The following ECRG4 variants were observed in gnomAD, a reference collection of about 807,000 sequenced individuals.
ECRG4 encodes ECRG4 augurin precursor, also known as augurin.
Under a neutral mutation model 15.8 loss-of-function variants are expected in ECRG4, and 18 were observed. The observed-to-expected ratio is 1.14, with a 90% CI of 0.79 to 1.69. The LOEUF (loss-of-function observed/expected upper bound fraction) is 1.69, where lower values mean the gene tolerates loss of function less well. Ranked by LOEUF, ECRG4 falls within the 40% of genes most tolerant of loss-of-function variation. ECRG4 has a pLI of 0.00. For synonymous variants in ECRG4, 82 were observed against 73.9 expected, an observed-to-expected ratio of 1.11 and a Z score of -0.56; for missense variants, 200 against 190.9, an observed-to-expected ratio of 1.05 and a Z score of -0.28.
intron 2 of ECRG4, 109 bp from the exon 3 acceptor site, chr2:106,073,777 A>G (rs1676420553): frequency 7.5e-7 from 1 of 1,339,494 alleles, no homozygotes; most frequent in African/African-American, 1.4e-5. Context: ...TGAGAGTCAA[A>G]ACCCTCCTAC....
chr2:106,071,344 AAAAAAAAAG>A (rs1237937937), intron 1 of ECRG4, among the ~76,000 whole-genome samples: 9 of 140,600 alleles, frequency 6.4e-5, no homozygotes, highest in African/African-American at 2.1e-4. Flanking sequence ...AAAAAAAAAA[AAAAAAAAAG>A]AAAGAAAGAA....
intron 1 of ECRG4, among the ~76,000 whole-genome samples, chr2:106,067,943 T>C (rs906448354): frequency 6.6e-6 from 1 of 151,562 alleles, no homozygotes; most frequent in Admixed American, 6.6e-5. Context: ...CAAGCAATCC[T>C]CCCACCTCAG....
chr2:106,070,362 C>A (rs1228808813), intron 1 of ECRG4, among the ~76,000 whole-genome samples: 1 of 152,162 alleles, frequency 6.6e-6, no homozygotes, highest in Non-Finnish European at 1.5e-5. Context: ...CCCTGGATGG[C>A]CCAATGACTC....
At chr2:106,063,378 T>C (rs1021642713), upstream of ECRG4, 1 of 152,208 alleles carries the variant, frequency 6.6e-6, no homozygotes, top group African/African-American at 2.4e-5. Context: ...ACCCAGCTTA[T>C]GGGATTTTGT....
At chr2:106,071,322 T>A (rs1248330760) in intron 1 of ECRG4, among the ~76,000 whole-genome samples, 5 of 78,332 alleles carry the variant, frequency 6.4e-5, no homozygotes, top group African/African-American at 1.8e-4. Flanking sequence ...GGTAAGGCTG[T>A]AAAAAAAAAA....
At chr2:106,071,322 T>TACAAAAAAAAA (rs1676362541) in intron 1 of ECRG4, among the ~76,000 whole-genome samples, 1 of 78,332 alleles carries the variant, frequency 1.3e-5, no homozygotes, top group Non-Finnish European at 2.3e-5. Flanking sequence ...GGTAAGGCTG[T>TACAAAAAAAAA]AAAAAAAAAA....
rs183825908 is a variant in ECRG4 at position 106,066,280 on chromosome 2, G to A, written c.79+437G>A. Reference sequence around the variant, plus strand: ...CAAGTTGACTTGCGCTTCCCAGCTGGGTCAAGTTGCAATTTGCAAAGCTGG... The same window carrying A: ...CAAGTTGACTTGCGCTTCCCAGCTGAGTCAAGTTGCAATTTGCAAAGCTGG... On this transcript the variant is annotated intron_variant, in intron 1 of 3. Coordinates refer to ENST00000238044, the MANE Select transcript of ECRG4 (RefSeq NM_032411.3). Among the ~76,000 whole-genome samples, 9 of 152,322 alleles carry A rather than the reference G, an allele frequency of 5.9e-5. No individual in the cohort carries two copies. In the East Asian group the frequency reaches 1.4e-3, roughly 23 times the overall value.
intron 3 of ECRG4, among the ~76,000 whole-genome samples, chr2:106,075,805 C>G (rs1038947235): frequency 6.6e-6 from 1 of 152,110 alleles, no homozygotes. Flanking sequence ...AGATGAGGAT[C>G]AAATAAGATT....
intron 3 of ECRG4, 139 bp downstream of exon 3, chr2:106,074,182 G>A: frequency 1.1e-6 from 1 of 942,610 alleles, no homozygotes; most frequent in African/African-American, 1.6e-5. Context: ...TATGCCAAGT[G>A]CTATCAGGCA....
chr2:106,067,059 C>G (rs1232834308), intron 1 of ECRG4, among the ~76,000 whole-genome samples: 50 of 4,248 alleles, frequency 0.012, no homozygotes, highest in African/African-American at 0.04. Flanking sequence ...TTTGGGAGGC[C>G]GGGGGGGGGG....
rs78155999 is a variant in ECRG4 at position 106,066,832 on chromosome 2, A to C, written c.79+989A>C. On this transcript the variant is annotated intron_variant, in intron 1 of 3. Transcript: ENST00000238044. ...TGAGAAGAGGCAGGGGACATTCAGTAGGAGCCCTGGGATGGAGCCCCGGGG... is the reference window on the plus strand; with the variant it reads ...TGAGAAGAGGCAGGGGACATTCAGTCGGAGCCCTGGGATGGAGCCCCGGGG... 2.5e-3 allele frequency among the ~76,000 whole-genome samples: 375 copies of C among 152,264 alleles called. 1 individual carries two copies. The highest frequency in any genetic ancestry group is 8.0e-3 in the African/African-American group (334 of 41,558).
intron 1 of ECRG4, among the ~76,000 whole-genome samples, chr2:106,070,096 G>A (rs1676330388): frequency 2.0e-5 from 3 of 152,228 alleles, no homozygotes; most frequent in South Asian, 4.1e-4. Context: ...ATCTTATGAA[G>A]CCATTTCCAT....
chr2:106,065,655 AG>A (rs995764590), upstream of ECRG4: 21 of 782,198 alleles, frequency 2.7e-5, no homozygotes, highest in East Asian at 6.2e-4. Flanking sequence ...GCAGCGACGC[AG>A]GGATAACCCG....
rs114150754 is a variant in ECRG4, at chr2:106,077,132, C to T, written c.286-633C>T. ...ACAGTAGGCTTCTTGAAGGCACAGA[C>T]GACTGTTTTTGGCAGCCCTCCAGTG... On this transcript the variant is annotated intron_variant, in intron 3 of 3. Coordinates refer to ENST00000238044, the MANE Select transcript of ECRG4 (RefSeq NM_032411.3). 3.6e-3 allele frequency among the ~76,000 whole-genome samples: 528 copies of T among 146,236 alleles called. 2 individuals are homozygous for T. The highest frequency in any genetic ancestry group is 0.014 in the African/African-American group (486 of 35,860).
chr2:106,077,347 C>T (rs1676508241), intron 3 of ECRG4, among the ~76,000 whole-genome samples: 1 of 152,076 alleles, frequency 6.6e-6, no homozygotes, highest in Non-Finnish European at 1.5e-5. Flanking sequence ...TATTAAGCAT[C>T]TACTACATGC....
At chr2:106,066,478 A>G (rs1053385741) in intron 1 of ECRG4, among the ~76,000 whole-genome samples, 6 of 152,206 alleles carry the variant, frequency 3.9e-5, no homozygotes, top group Non-Finnish European at 7.3e-5. Flanking sequence ...CCGATATCTG[A>G]TCGCTGGGCT....
intron 1 of ECRG4, among the ~76,000 whole-genome samples, chr2:106,069,314 T>C (rs374080055): frequency 1.3e-4 from 20 of 149,968 alleles, no homozygotes; most frequent in African/African-American, 4.2e-4. Flanking sequence ...TCCTTCCTTC[T>C]TTCTTTCTCT....
upstream of ECRG4, among the ~76,000 whole-genome samples, chr2:106,063,977 C>T (rs1171945464): frequency 6.6e-6 from 1 of 152,144 alleles, no homozygotes; most frequent in Non-Finnish European, 1.5e-5. Context: ...AAGATTACAG[C>T]CATTATGTTT....
chr2:106,071,797 A>G, intron 1 of ECRG4, 47 bp from the exon 2 acceptor site: 2 of 1,518,394 alleles, frequency 1.3e-6, no homozygotes, highest in South Asian at 2.3e-5. Flanking sequence ...GATAAATTGA[A>G]GGGAGCAGTA....
Sources: allele counts gnomAD v4.1 joint callset (sites outside exome capture counted in the v4.1 genomes callset), GRCh38; gene constraint gnomAD v4.1.1; transcripts MANE v1.5; gene names NCBI Gene and HGNC (gene_info 2026-07-23, HGNC 2026-07-21).